The following DOCK2 variants were observed in gnomAD, a reference collection of about 807,000 sequenced individuals.
DOCK2 encodes dedicator of cytokinesis 2, also known as dedicator of cytokinesis protein 2.
DOCK2 carries 87 observed loss-of-function variants against 248.9 expected under a neutral mutation model. That is an observed-to-expected ratio of 0.35 (90% CI 0.29 to 0.42). The LOEUF (loss-of-function observed/expected upper bound fraction) is 0.42. Ranked by LOEUF, DOCK2 falls within the 10% of genes least tolerant of loss-of-function variation. The probability of loss-of-function intolerance (pLI) is 1.00; values close to 1 mark genes in which losing one functional copy is unlikely to be tolerated. For synonymous variants in DOCK2, 805 were observed against 821.6 expected (o/e 0.98, Z 0.35); for missense variants, 1,747 against 2,300.2 (o/e 0.76, Z 4.92).
intron 27 of DOCK2, among the ~76,000 whole-genome samples, chr5:169,950,966 A>G (rs897634646): frequency 6.6e-6 from 1 of 152,204 alleles, no homozygotes; most frequent in Non-Finnish European, 1.5e-5. Flanking sequence ...ATGAGACTAT[A>G]TAAAATTGGG....
chr5:169,867,447 A>ATCTG (rs80041345), intron 27 of DOCK2, among the ~76,000 whole-genome samples: 46,900 of 150,456 alleles, frequency 0.31, 8,301 homozygotes, highest in East Asian at 0.68. Flanking sequence ...CTATCTATCT[A>ATCTG]TCTGTCTGTC....
chr5:169,833,570 T>A (rs1000697970), intron 26 of DOCK2, among the ~76,000 whole-genome samples: 1 of 152,184 alleles, frequency 6.6e-6, no homozygotes, highest in African/African-American at 2.4e-5. Flanking sequence ...GAGGATCAGC[T>A]GAGAGCCTGT....
chr5:170,041,884 AAGAAAGGAGG>A, intron 37 of DOCK2, 119 bp from the exon 38 acceptor site: 1 of 1,194,084 alleles, frequency 8.4e-7, no homozygotes, highest in Admixed American at 2.9e-5. Flanking sequence ...AGCTGAGTTC[AAGAAAGGAGG>A]AGAGATGGAA....
chr5:170,027,149 G>A (rs1342070233), intron 33 of DOCK2, among the ~76,000 whole-genome samples: 3 of 151,904 alleles, frequency 2.0e-5, no homozygotes, highest in Non-Finnish European at 2.9e-5. Flanking sequence ...TCTTCAGCTT[G>A]AGCAAAAAGA....
intron 32 of DOCK2, among the ~76,000 whole-genome samples, chr5:170,013,837 G>C (rs1332966124): frequency 6.6e-6 from 1 of 152,138 alleles, no homozygotes; most frequent in Non-Finnish European, 1.5e-5. Context: ...GCCAGTAGCT[G>C]GGGTTAAAAC....
intron 1 of DOCK2, among the ~76,000 whole-genome samples, chr5:169,638,736 T>G (rs1756987534): frequency 6.6e-6 from 1 of 152,190 alleles, no homozygotes; most frequent in Non-Finnish European, 1.5e-5. Flanking sequence ...ATTTCATGGT[T>G]TGCAAGACCA....
chr5:169,663,117 C>A (rs1016766778), intron 2 of DOCK2, among the ~76,000 whole-genome samples: 34 of 152,194 alleles, frequency 2.2e-4, no homozygotes, highest in African/African-American at 8.2e-4. Context: ...AACAAAGGGG[C>A]TACAGGCCTC....
intron 27 of DOCK2, among the ~76,000 whole-genome samples, chr5:169,943,005 A>C (rs1358304828): frequency 6.6e-6 from 1 of 152,244 alleles, no homozygotes; most frequent in African/African-American, 2.4e-5. Flanking sequence ...GGTTGTTGAT[A>C]TCAATAGCTA....
intron 26 of DOCK2, among the ~76,000 whole-genome samples, chr5:169,809,992 C>T (rs994280993): frequency 6.6e-6 from 1 of 152,106 alleles, no homozygotes; most frequent in African/African-American, 2.4e-5. Context: ...GTGTTGTCAC[C>T]CTCTGTGGAC....
intron 27 of DOCK2, among the ~76,000 whole-genome samples, chr5:169,855,209 A>G (rs1770824904): frequency 6.6e-6 from 1 of 152,254 alleles, no homozygotes; most frequent in Non-Finnish European, 1.5e-5. Context: ...CAAAGCCTTT[A>G]GTAACAGCTC....
At chr5:169,806,310 G>GTTAA (rs141410376) in intron 26 of DOCK2, among the ~76,000 whole-genome samples, 87,093 of 147,288 alleles carry the variant, frequency 0.59, 26,157 homozygotes, top group East Asian at 0.81. Context: ...TGGTTAATTA[G>GTTAA]TTAATTAATT....
chr5:169,853,804 C>CTTTTTTTTTTTTT lies in DOCK2; in HGVS notation c.2799+12985_2799+12997dup, dbSNP rs67124138. Among the ~76,000 whole-genome samples, 15 of 56,858 alleles carry CTTTTTTTTTTTTT rather than the reference C, an allele frequency of 2.6e-4. 1 individual carries two copies. Among genetic ancestry groups the CTTTTTTTTTTTTT allele is most frequent in the African/African-American group, 5.6e-4 (7 of 12,450 alleles). 37.3% of individuals were successfully genotyped at this position (56,858 alleles called of 152,430 possible). Reference sequence around the variant, plus strand: ...TTCCTTCTATAATCAGGAAAAACAACTTTTTTTTTTTTTTTTTTTTTTTTT... The same window carrying CTTTTTTTTTTTTT: ...TTCCTTCTATAATCAGGAAAAACAACTTTTTTTTTTTTTTTTTTTTTTTTTTTTTTTTTTTTTT... On this transcript the variant is annotated intron_variant, in intron 27 of 51. Transcript: ENST00000520908.
At chr5:170,001,841 T>TGA (rs1215851747) in intron 30 of DOCK2, among the ~76,000 whole-genome samples, 1 of 152,140 alleles carries the variant, frequency 6.6e-6, no homozygotes, top group Non-Finnish European at 1.5e-5. Context: ...GTGAACAGGG[T>TGA]ATAATATGGG....
intron 7 of DOCK2, among the ~76,000 whole-genome samples, chr5:169,683,591 C>T (rs1411533929): frequency 6.6e-6 from 1 of 152,170 alleles, no homozygotes; most frequent in East Asian, 1.9e-4. Context: ...CTCGTCAACA[C>T]TTGATATCAG....
chr5:169,840,074 G>A (rs1349378470), intron 26 of DOCK2, among the ~76,000 whole-genome samples: 1 of 152,182 alleles, frequency 6.6e-6, no homozygotes, highest in Non-Finnish European at 1.5e-5. Context: ...AAGAAAAAAG[G>A]TTTAATTGGT....
intron 27 of DOCK2, among the ~76,000 whole-genome samples, chr5:169,908,328 G>T (rs1254554605): frequency 6.6e-6 from 1 of 151,894 alleles, no homozygotes; most frequent in Non-Finnish European, 1.5e-5. Flanking sequence ...TGCGATTCTT[G>T]TGTTATTTGC....
intron 2 of DOCK2, among the ~76,000 whole-genome samples, chr5:169,660,343 A>G (rs1031671008): frequency 1.2e-4 from 18 of 152,244 alleles, no homozygotes; most frequent in Admixed American, 8.5e-4. Flanking sequence ...CTAAAAATAA[A>G]TAAATAAACA....
At chr5:169,738,206 T>C (rs1388233992) in intron 22 of DOCK2, among the ~76,000 whole-genome samples, 1 of 152,220 alleles carries the variant, frequency 6.6e-6, no homozygotes, top group Non-Finnish European at 1.5e-5. Context: ...CGTGTGTTTT[T>C]TCCACTTAGG....
intron 15 of DOCK2, among the ~76,000 whole-genome samples, chr5:169,709,695 T>A (rs912967350): frequency 6.6e-6 from 1 of 152,134 alleles, no homozygotes. Flanking sequence ...CACTCCAGCC[T>A]AGGTGACAGT....
Sources: allele counts gnomAD v4.1 joint callset (sites outside exome capture counted in the v4.1 genomes callset), GRCh38; gene constraint gnomAD v4.1.1; transcripts MANE v1.5; gene names NCBI Gene and HGNC (gene_info 2026-07-23, HGNC 2026-07-21).